KCNIP4: variants seen among roughly 807,000 people sequenced by gnomAD.
KCNIP4 encodes potassium voltage-gated channel interacting protein 4.
In KCNIP4, 12 loss-of-function variants were observed where a neutral mutation model predicts 34.0. That is an observed-to-expected ratio of 0.35 (90% CI 0.23 to 0.57). The LOEUF is 0.57. Ranked by LOEUF, KCNIP4 falls within the 20% of genes least tolerant of loss-of-function variation. KCNIP4 has a pLI of 0.83. For synonymous variants in KCNIP4, 124 were observed against 102.2 expected, an observed-to-expected ratio of 1.21 and a Z score of -1.29; for missense variants, 238 against 311.7, an observed-to-expected ratio of 0.76 and a Z score of 1.78.
At chr4:21,240,283 G>A (rs571163289) in intron 1 of KCNIP4, among the ~76,000 whole-genome samples, 2 of 150,088 alleles carry the variant, frequency 1.3e-5, no homozygotes, top group South Asian at 4.3e-4. Flanking sequence ...TAAATGACGA[G>A]TCAATGGGTG....
intron 1 of KCNIP4, among the ~76,000 whole-genome samples, chr4:21,442,275 C>A (rs1347180792): frequency 2.6e-5 from 4 of 152,134 alleles, no homozygotes; most frequent in Non-Finnish European, 5.9e-5. Context: ...TCCTTCCTAG[C>A]ACTTGTGGTT....
intron 1 of KCNIP4, among the ~76,000 whole-genome samples, chr4:21,126,943 C>G (rs896590992): frequency 1.3e-5 from 2 of 152,178 alleles, no homozygotes; most frequent in African/African-American, 4.8e-5. Flanking sequence ...TACATGGGCT[C>G]TCTGTCAAGG....
intron 1 of KCNIP4, among the ~76,000 whole-genome samples, chr4:21,355,363 G>A (rs554125967): frequency 2.6e-5 from 4 of 152,088 alleles, no homozygotes; most frequent in Non-Finnish European, 4.4e-5. Flanking sequence ...GAATCCAGGA[G>A]CTAGTTTTTT....
chr4:21,300,674 T>C (rs575909354), intron 1 of KCNIP4, among the ~76,000 whole-genome samples: 1 of 152,270 alleles, frequency 6.6e-6, no homozygotes, highest in African/African-American at 2.4e-5. Flanking sequence ...TGTTTCTCTA[T>C]TCTCTTGAAA....
At chr4:21,936,632 A>G (rs557590061) in intron 1 of KCNIP4, among the ~76,000 whole-genome samples, 17 of 152,234 alleles carry the variant, frequency 1.1e-4, no homozygotes, top group Non-Finnish European at 2.2e-4. Context: ...ACACATTAAG[A>G]AACTAAACTA....
At chr4:21,513,173 T>C (rs374038667) in intron 1 of KCNIP4, among the ~76,000 whole-genome samples, 13 of 152,222 alleles carry the variant, frequency 8.5e-5, no homozygotes, top group East Asian at 5.8e-4. Flanking sequence ...GAAGAGTTCC[T>C]TCTCCAGTAA....
intron 1 of KCNIP4, among the ~76,000 whole-genome samples, chr4:21,909,453 C>T (rs956805658): frequency 1.3e-5 from 2 of 152,092 alleles, no homozygotes; most frequent in Non-Finnish European, 2.9e-5. Context: ...CTATTTAAGC[C>T]TAACCTACCC....
chr4:21,288,805 A>G lies in KCNIP4; in HGVS notation c.62-406096T>C, dbSNP rs1489653111. Among the ~76,000 whole-genome samples the G allele has an allele frequency of 2.0e-5, 3 of 152,316 alleles. No homozygotes were observed. In the South Asian group the frequency reaches 6.2e-4, roughly 32 times the overall value. On this transcript the variant is annotated intron_variant, in intron 1 of 8. Coordinates refer to ENST00000382152, the MANE Select transcript of KCNIP4 (RefSeq NM_025221.6). ...CTGGCAACTGCACCTAATGTTATAC[A>G]TATGTATGAGAACATGTGGTATTTG...
In KCNIP4 at chr4:21,456,648, C is replaced by G. The variant is rs898415358; in HGVS notation, c.61+491923G>C. 1.4e-4 allele frequency among the ~76,000 whole-genome samples: 20 copies of G among 147,358 alleles called. 3 individuals are homozygous for G. Among genetic ancestry groups the G allele is most frequent in the African/African-American group, 5.1e-4 (19 of 37,492 alleles). On this transcript the variant is annotated intron_variant, in intron 1 of 8. Transcript: ENST00000382152. Reference sequence around the variant, plus strand: ...CTTAAGGAAATGTTTGAATCAACATCTAAGAAAAATTGGTTTGCCCAGTAA... The same window carrying G: ...CTTAAGGAAATGTTTGAATCAACATGTAAGAAAAATTGGTTTGCCCAGTAA...
chr4:21,052,716 T>G (rs1352142737), intron 1 of KCNIP4, among the ~76,000 whole-genome samples: 1 of 152,158 alleles, frequency 6.6e-6, no homozygotes, highest in Non-Finnish European at 1.5e-5. Context: ...TGTTTCCCCT[T>G]CTGTACCTCC....
intron 3 of KCNIP4, among the ~76,000 whole-genome samples, chr4:20,798,979 A>G (rs1342137483): frequency 1.3e-5 from 2 of 152,114 alleles, no homozygotes; most frequent in African/African-American, 4.8e-5. Context: ...GCACTACACC[A>G]TTTTGGAACC....
intron 1 of KCNIP4, among the ~76,000 whole-genome samples, chr4:21,912,387 T>C (rs1482249134): frequency 6.6e-6 from 1 of 152,228 alleles, no homozygotes. Flanking sequence ...CCATATTAAG[T>C]GTCAGGTATA....
intron 1 of KCNIP4, among the ~76,000 whole-genome samples, chr4:21,138,545 G>A (rs1370565463): frequency 6.6e-6 from 1 of 150,540 alleles, no homozygotes. Context: ...TTTTTTGGTT[G>A]TTCTCTCACC....
At chr4:21,575,521 T>C (rs1031039777) in intron 1 of KCNIP4, among the ~76,000 whole-genome samples, 1 of 152,174 alleles carries the variant, frequency 6.6e-6, no homozygotes, top group Non-Finnish European at 1.5e-5. Flanking sequence ...CCCCTCCCCT[T>C]CTTCCTCTTT....
intron 1 of KCNIP4, among the ~76,000 whole-genome samples, chr4:21,586,980 C>T (rs971145289): frequency 5.3e-5 from 8 of 151,992 alleles, no homozygotes; most frequent in Non-Finnish European, 8.8e-5. Context: ...GTCTTATTCT[C>T]GCTAGCCAGG....
chr4:21,813,711 T>C lies in KCNIP4; in HGVS notation c.61+134860A>G, dbSNP rs563826731. 1.6e-4 allele frequency among the ~76,000 whole-genome samples: 24 copies of C among 152,216 alleles called. No individual in the cohort carries two copies. The South Asian group carries it at 4.1e-3, about 26-fold the overall frequency. Reference sequence around the variant, plus strand: ...AAATAAATGATATACATTTCAAAAATGTCAAAAATATTACCAGGCCATATA... The same window carrying C: ...AAATAAATGATATACATTTCAAAAACGTCAAAAATATTACCAGGCCATATA... On this transcript the variant is annotated intron_variant, in intron 1 of 8. Transcript: ENST00000382152.
At chr4:21,449,396 T>C (rs1236806581) in intron 1 of KCNIP4, among the ~76,000 whole-genome samples, 1 of 152,116 alleles carries the variant, frequency 6.6e-6, no homozygotes, top group African/African-American at 2.4e-5. Context: ...AGATGGATCA[T>C]ATTTAGAGTC....
chr4:20,891,588 A>C (rs530011106), intron 1 of KCNIP4, among the ~76,000 whole-genome samples: 1 of 152,262 alleles, frequency 6.6e-6, no homozygotes, highest in East Asian at 1.9e-4. Context: ...CTGGAGACAG[A>C]GTGAGACTCC....
chr4:21,678,305 A>ATTTTTTTTTTTTTTTTTTTT (rs59561334), intron 1 of KCNIP4, among the ~76,000 whole-genome samples: 1 of 117,598 alleles, frequency 8.5e-6, no homozygotes. Context: ...TCTTCTTTTG[A>ATTTTTTTTTTTTTTTTTTTT]TTTTTTTTTT....
Sources: allele counts gnomAD v4.1 joint callset (sites outside exome capture counted in the v4.1 genomes callset), GRCh38; gene constraint gnomAD v4.1.1; transcripts MANE v1.5; gene names NCBI Gene and HGNC (gene_info 2026-07-23, HGNC 2026-07-21).